Variants in MPPED2 observed in about 807,000 individuals in gnomAD.
MPPED2 encodes metallophosphoesterase domain containing 2.
Under a neutral mutation model 33.0 loss-of-function variants are expected in MPPED2, and 5 were observed. That is an observed-to-expected ratio of 0.15 (90% CI 0.08 to 0.32). The LOEUF (loss-of-function observed/expected upper bound fraction) is 0.32. Ranked by LOEUF, MPPED2 falls within the 10% of genes least tolerant of loss-of-function variation. The probability of loss-of-function intolerance (pLI) is 1.00; values close to 1 mark genes in which losing one functional copy is unlikely to be tolerated. For synonymous variants in MPPED2, 136 were observed against 141.9 expected, an observed-to-expected ratio of 0.96 and a Z score of 0.29; for missense variants, 275 against 372.1, an observed-to-expected ratio of 0.74 and a Z score of 2.15.
At chr11:30,492,199 T>C (rs1952014708) in intron 4 of MPPED2, among the ~76,000 whole-genome samples, 1 of 151,782 alleles carries the variant, frequency 6.6e-6, no homozygotes, top group South Asian at 2.1e-4. Context: ...ATATCTGAAT[T>C]AGTCTGTTTG....
rs562262677 is a variant in MPPED2, at chr11:30,441,699, C to T, written c.537-24066G>A. Among the ~76,000 whole-genome samples, 36 of 152,288 alleles carry T rather than the reference C, an allele frequency of 2.4e-4. No homozygotes were observed. The South Asian group carries it at 7.5e-3, about 32-fold the overall frequency. Reference sequence around the variant, plus strand: ...GTAGGAAACATTTCTAAAGCTTCGGCCTCAGCTTTTCCAGCATGACAGCCT... The same window carrying T: ...GTAGGAAACATTTCTAAAGCTTCGGTCTCAGCTTTTCCAGCATGACAGCCT... On this transcript the variant is annotated intron_variant, in intron 4 of 6. Transcript: ENST00000358117.
At chr11:30,530,048 C>G (rs1354240462) in intron 3 of MPPED2, among the ~76,000 whole-genome samples, 1 of 152,136 alleles carries the variant, frequency 6.6e-6, no homozygotes, top group African/African-American at 2.4e-5. Flanking sequence ...GAATTTTTGA[C>G]TGACTGGATT....
intron 1 of MPPED2, among the ~76,000 whole-genome samples, chr11:30,582,940 G>A (rs766749604): frequency 1.2e-4 from 18 of 152,106 alleles, no homozygotes; most frequent in Non-Finnish European, 2.1e-4. Context: ...CACCTGCAGC[G>A]TCTATCTTCT....
chr11:30,586,414 C>T (rs1182442996), upstream of MPPED2: 1 of 152,508 alleles, frequency 6.6e-6, no homozygotes, highest in African/African-American at 2.4e-5. This position sits in a 1 kb window ranked among gnomAD's most constrained non-coding sequence, Gnocchi z 4.8. Flanking sequence ...GGCCGAGGCG[C>T]CGCTCCGTGC....
At chr11:30,414,101 A>G in intron 6 of MPPED2, 127 bp downstream of exon 6, 2 of 652,166 alleles carry the variant, frequency 3.1e-6, no homozygotes, top group South Asian at 3.6e-5. Flanking sequence ...TTCTCATAAG[A>G]CTTCATCTTA....
chr11:30,394,818 C>G (rs1452830721), intron 6 of MPPED2, among the ~76,000 whole-genome samples: 1 of 152,110 alleles, frequency 6.6e-6, no homozygotes, highest in African/African-American at 2.4e-5. Flanking sequence ...TATGTAAGAA[C>G]TCTACCTCAT....
Position 30,522,773 on chromosome 11 carries a change from A to G in MPPED2, c.310+13221T>C, listed in dbSNP as rs932219634. Among the ~76,000 whole-genome samples, 4 of 152,194 alleles carry G rather than the reference A, an allele frequency of 2.6e-5. No homozygotes were observed. In the East Asian group the frequency reaches 5.8e-4, roughly 22 times the overall value. On this transcript the variant is annotated intron_variant, in intron 3 of 6. Coordinates refer to ENST00000358117, the MANE Select transcript of MPPED2 (RefSeq NM_001584.3). ...CTTTCATCTTCCTTGCAGGACTCCA[A>G]GTGAGAATGTGTGGAGTGAGCTAAT...
chr11:30,387,068 A>G (rs1316291665), exon 7 of MPPED2: 7 of 299,502 alleles, frequency 2.3e-5, no homozygotes, highest in African/African-American at 6.4e-5. Flanking sequence ...GTGCACGCAT[A>G]TAAGCACAGC....
intron 4 of MPPED2, among the ~76,000 whole-genome samples, chr11:30,486,697 T>C (rs1411168055): frequency 6.6e-6 from 1 of 152,220 alleles, no homozygotes; most frequent in African/African-American, 2.4e-5. Context: ...AGATTTGTCC[T>C]ACTCCCATTT....
intron 2 of MPPED2, among the ~76,000 whole-genome samples, chr11:30,542,387 G>T (rs1955169674): frequency 6.6e-6 from 1 of 150,542 alleles, no homozygotes; most frequent in African/African-American, 2.5e-5. Context: ...GCTAAGGTGG[G>T]TGGATTGCTT....
At chr11:30,569,494 G>A (rs892757570) in intron 2 of MPPED2, among the ~76,000 whole-genome samples, 1 of 152,128 alleles carries the variant, frequency 6.6e-6, no homozygotes, top group Admixed American at 6.5e-5. Flanking sequence ...GCTACCGGCT[G>A]TACCCAAAAT....
At chr11:30,420,987 C>A (rs1373958661) in intron 4 of MPPED2, among the ~76,000 whole-genome samples, 1 of 152,132 alleles carries the variant, frequency 6.6e-6, no homozygotes, top group Admixed American at 6.5e-5. Flanking sequence ...CAGAGAAAAA[C>A]AAGCAAAAGC....
chr11:30,536,221 C>T (rs1371786682), intron 2 of MPPED2, 46 bp from the exon 3 acceptor site: 28 of 1,439,958 alleles, frequency 1.9e-5, no homozygotes, highest in Non-Finnish European at 2.6e-5. Flanking sequence ...CATATTAGAA[C>T]CCTTGAAATT....
chr11:30,459,173 C>T lies in MPPED2; in HGVS notation c.536+36123G>A, dbSNP rs544323498. Among the ~76,000 whole-genome samples the T allele has an allele frequency of 3.9e-5, 6 of 151,902 alleles. No individual in the cohort carries two copies. In the East Asian group the frequency reaches 5.8e-4, roughly 15 times the overall value. ...CGATCTCCTGACCTCGTGATCCGCC[C>T]GCCTCGGCCTCCCAAAGTGCTTGCA... On this transcript the variant is annotated intron_variant, in intron 4 of 6. Coordinates refer to ENST00000358117, the MANE Select transcript of MPPED2 (RefSeq NM_001584.3).
At chr11:30,422,859 C>T (rs749222569) in intron 4 of MPPED2, among the ~76,000 whole-genome samples, 5 of 152,164 alleles carry the variant, frequency 3.3e-5, no homozygotes, top group Non-Finnish European at 7.3e-5. Flanking sequence ...AGAGCAACTC[C>T]ATCTGCCTGA....
chr11:30,522,303 A>G (rs1453004825), intron 3 of MPPED2, among the ~76,000 whole-genome samples: 1 of 152,072 alleles, frequency 6.6e-6, no homozygotes, highest in African/African-American at 2.4e-5. Context: ...ATGAATATCC[A>G]TGTTCTTAGG....
At chr11:30,402,267 C>T (rs1223473770) in intron 6 of MPPED2, among the ~76,000 whole-genome samples, 1 of 152,188 alleles carries the variant, frequency 6.6e-6, no homozygotes, top group Non-Finnish European at 1.5e-5. Context: ...TATAAATATT[C>T]ATATCAATAA....
At chr11:30,569,070 C>G (rs1956576309) in intron 2 of MPPED2, among the ~76,000 whole-genome samples, 3 of 152,086 alleles carry the variant, frequency 2.0e-5, no homozygotes, top group Admixed American at 6.5e-5. Context: ...CAGTAAAGGT[C>G]CCAGTTTGGT....
intron 2 of MPPED2, among the ~76,000 whole-genome samples, chr11:30,543,792 CTTT>C (rs35206591): frequency 0.044 from 4,681 of 106,524 alleles, 142 homozygotes; most frequent in African/African-American, 0.1. Context: ...TGGCGTTGTT[CTTT>C]TTTTTTTTTT....
Sources: allele counts gnomAD v4.1 joint callset (sites outside exome capture counted in the v4.1 genomes callset), GRCh38; gene constraint gnomAD v4.1.1; non-coding constraint Gnocchi (gnomAD v3.1); transcripts MANE v1.5; gene names NCBI Gene and HGNC (gene_info 2026-07-23, HGNC 2026-07-21).